COMMD1: variants seen among roughly 807,000 people sequenced by gnomAD.
COMMD1 encodes COMM domain-containing protein 1.
A neutral mutation model predicts 17.2 loss-of-function variants in COMMD1; 10 were observed. The observed-to-expected ratio is 0.58, with a 90% CI of 0.36 to 0.99. COMMD1 has a LOEUF of 0.99. COMMD1 is among the 50% of genes least tolerant of loss of function. The pLI is 0.01. For missense variants in COMMD1, 270 were observed against 231.8 expected (o/e 1.17, Z -1.07); for synonymous variants, 97 against 91.6 (o/e 1.06, Z -0.34).
rs527800444 is a variant in COMMD1 at position 62,090,508 on chromosome 2, C to T, written c.463-45323C>T. Among the ~76,000 whole-genome samples the T allele has an allele frequency of 1.8e-4, 27 of 152,312 alleles. No individual in the cohort carries two copies. The South Asian group carries it at 4.1e-3, about 23-fold the overall frequency. On this transcript the variant is annotated intron_variant, in intron 2 of 2. Transcript: ENST00000311832. ...GAGGGTATAAATCAAATGCAAGGAACGCCTGGTCCTCAATGTCTAAATTGT... is the reference window on the plus strand; with the variant it reads ...GAGGGTATAAATCAAATGCAAGGAATGCCTGGTCCTCAATGTCTAAATTGT...
intron 2 of COMMD1, among the ~76,000 whole-genome samples, chr2:62,124,100 C>A (rs1013267386): frequency 6.6e-6 from 1 of 152,150 alleles, no homozygotes; most frequent in Non-Finnish European, 1.5e-5. Context: ...GAGTTTGAGA[C>A]CAGCCTGGCC....
chr2:61,889,202 C>CTTTTTTTTTTTTTT (rs34949326), intron 1 of COMMD1, among the ~76,000 whole-genome samples: 1 of 54,786 alleles, frequency 1.8e-5, no homozygotes, highest in Non-Finnish European at 3.1e-5. Flanking sequence ...GAAGCCCGGC[C>CTTTTTTTTTTTTTT]TTTTTTTTTT....
chr2:62,014,039 T>C lies in COMMD1; in HGVS notation c.462+13057T>C, dbSNP rs1052045932. Among the ~76,000 whole-genome samples, 3 of 152,326 alleles carry C rather than the reference T, an allele frequency of 2.0e-5. No individual in the cohort carries two copies. In the South Asian group the frequency reaches 6.2e-4, roughly 32 times the overall value. Reference sequence around the variant, plus strand: ...ATCATTGTTTCTTATGATGTGCCCTTTCTTATGTATACTATACCCAATAAA... The same window carrying C: ...ATCATTGTTTCTTATGATGTGCCCTCTCTTATGTATACTATACCCAATAAA... On this transcript the variant is annotated intron_variant, in intron 2 of 2. Coordinates refer to ENST00000311832, the MANE Select transcript of COMMD1 (RefSeq NM_152516.4).
chr2:61,888,672 G>C (rs1669324547), upstream of COMMD1: 8 of 780,572 alleles, frequency 1.0e-5, no homozygotes, highest in East Asian at 1.8e-4. Context: ...CTTCCTTGCC[G>C]CGCGGCGCTG....
chr2:62,034,393 GGGA>G, intron 2 of COMMD1, among the ~76,000 whole-genome samples: 1 of 152,104 alleles, frequency 6.6e-6, no homozygotes, highest in Non-Finnish European at 1.5e-5. Context: ...CCAGCTACTC[GGGA>G]AGCTGAGGCA....
At chr2:61,974,452 T>G (rs1185589634) in intron 1 of COMMD1, among the ~76,000 whole-genome samples, 1 of 151,868 alleles carries the variant, frequency 6.6e-6, no homozygotes, top group Admixed American at 6.6e-5. Flanking sequence ...GGCAGGTGGA[T>G]CACTAGGTCA....
chr2:61,934,626 A>G (rs939781353), intron 1 of COMMD1, among the ~76,000 whole-genome samples: 6 of 152,176 alleles, frequency 3.9e-5, no homozygotes, highest in Non-Finnish European at 5.9e-5. Context: ...AATTAATTCA[A>G]TGGTAGGCTG....
intron 2 of COMMD1, among the ~76,000 whole-genome samples, chr2:62,038,233 A>G (rs1426441967): frequency 6.6e-6 from 1 of 152,218 alleles, no homozygotes; most frequent in Non-Finnish European, 1.5e-5. Context: ...GGTTGCAGTC[A>G]GCCGAGATGG....
intron 2 of COMMD1, among the ~76,000 whole-genome samples, chr2:62,005,290 G>C (rs1291649689): frequency 6.6e-6 from 1 of 152,184 alleles, no homozygotes; most frequent in Non-Finnish European, 1.5e-5. Flanking sequence ...CATATTGCTT[G>C]TACTTGATGT....
intron 1 of COMMD1, among the ~76,000 whole-genome samples, chr2:61,930,807 G>C (rs1670447099): frequency 6.6e-6 from 1 of 152,004 alleles, no homozygotes; most frequent in South Asian, 2.1e-4. Flanking sequence ...AACTGAGGTA[G>C]TGTGTGTCTT....
exon 1 of COMMD1, chr2:61,888,764 C>T (rs772119338): frequency 1.1e-4 from 54 of 511,404 alleles, no homozygotes; most frequent in Admixed American, 4.1e-4. Context: ...ATTGTACGCC[C>T]GGGGCGCTGT....
At chr2:61,914,385 A>G (rs1669996614) in intron 1 of COMMD1, among the ~76,000 whole-genome samples, 1 of 151,582 alleles carries the variant, frequency 6.6e-6, no homozygotes, top group South Asian at 2.1e-4. Flanking sequence ...CTAAAAATAC[A>G]AAAATTAGCC....
intron 1 of COMMD1, among the ~76,000 whole-genome samples, chr2:61,931,784 T>C (rs1054426397): frequency 2.0e-5 from 3 of 152,214 alleles, no homozygotes; most frequent in Non-Finnish European, 2.9e-5. Context: ...CAAATTATGG[T>C]ATATCAGTAA....
At chr2:62,116,866 A>G (rs1290452605) in intron 2 of COMMD1, among the ~76,000 whole-genome samples, 5 of 146,230 alleles carry the variant, frequency 3.4e-5, no homozygotes, top group Admixed American at 6.8e-5. Flanking sequence ...ATGGTGGCAC[A>G]TGCCTGTAAT....
intron 1 of COMMD1, among the ~76,000 whole-genome samples, chr2:61,931,577 C>G (rs1450572829): frequency 2.0e-5 from 3 of 152,222 alleles, no homozygotes; most frequent in East Asian, 3.8e-4. Flanking sequence ...TCAGATTGGT[C>G]TATTCTTCAT....
At chr2:62,004,801 G>A (rs1669066350) in intron 2 of COMMD1, among the ~76,000 whole-genome samples, 1 of 152,098 alleles carries the variant, frequency 6.6e-6, no homozygotes, top group Non-Finnish European at 1.5e-5. Context: ...ACTAAATCAA[G>A]TACCCAATTT....
At chr2:62,062,172 A>G (rs1348470768) in intron 2 of COMMD1, among the ~76,000 whole-genome samples, 3 of 151,718 alleles carry the variant, frequency 2.0e-5, no homozygotes, top group Admixed American at 6.6e-5. Flanking sequence ...TAAGACGCCA[A>G]TTGTAACTCC....
At chr2:61,894,269 A>G (rs964772470) in intron 1 of COMMD1, among the ~76,000 whole-genome samples, 3 of 152,094 alleles carry the variant, frequency 2.0e-5, no homozygotes, top group African/African-American at 4.8e-5. Context: ...ACAACTGGCT[A>G]TTGAATTTTT....
At position 61,907,776 on chromosome 2, in the gene COMMD1, C is replaced by T. The variant is rs192155527; in HGVS notation, c.180+1918C>T. 2.2e-3 allele frequency among the ~76,000 whole-genome samples: 337 copies of T among 152,126 alleles called. 1 individual carries two copies. Among genetic ancestry groups the T allele is most frequent in the African/African-American group, 6.5e-3 (271 of 41,502 alleles). On this transcript the variant is annotated intron_variant, in intron 1 of 2. Transcript: ENST00000311832. ...TGTGATCTCCGCTCTCTACAACCTCCGCCTCCCGGGTTCAGGTGATTCTCC... is the reference window on the plus strand; with the variant it reads ...TGTGATCTCCGCTCTCTACAACCTCTGCCTCCCGGGTTCAGGTGATTCTCC...
Sources: allele counts gnomAD v4.1 joint callset (sites outside exome capture counted in the v4.1 genomes callset), GRCh38; gene constraint gnomAD v4.1.1; transcripts MANE v1.5; gene names NCBI Gene and HGNC (gene_info 2026-07-23, HGNC 2026-07-21).